MYRIP: variants seen among roughly 807,000 people sequenced by gnomAD.
The protein encoded by MYRIP is rab effector MyRIP.
MYRIP carries 49 observed loss-of-function variants against 98.0 expected under a neutral mutation model. That is an observed-to-expected ratio of 0.50 (90% CI 0.40 to 0.63). The LOEUF (loss-of-function observed/expected upper bound fraction) is 0.63. Among genes scored for constraint, MYRIP ranks in the 30% least tolerant of loss-of-function variants. The pLI is 0.00. For missense variants in MYRIP, 1,004 were observed against 1,058.2 expected (o/e 0.95, Z 0.71); for synonymous variants, 404 against 409.5 (o/e 0.99, Z 0.16).
chr3:39,915,584 T>A (rs961594724), intron 2 of MYRIP, among the ~76,000 whole-genome samples: 1 of 152,032 alleles, frequency 6.6e-6, no homozygotes, highest in Non-Finnish European at 1.5e-5. Flanking sequence ...AAGCAGTATC[T>A]TTTAAAAGAC....
chr3:40,166,989 G>A (rs1236040987), intron 6 of MYRIP, 46 bp downstream of exon 6: 13 of 1,497,506 alleles, frequency 8.7e-6, no homozygotes, highest in African/African-American at 1.4e-5. Context: ...TGTGGGTTGG[G>A]GTCCTTGCTG....
intron 3 of MYRIP, among the ~76,000 whole-genome samples, chr3:40,138,858 T>A (rs1949836484): frequency 6.6e-6 from 1 of 152,214 alleles, no homozygotes; most frequent in Admixed American, 6.5e-5. Flanking sequence ...TTTGACACTA[T>A]GTTGTATATT....
chr3:40,191,186 T>G (rs868265788), intron 10 of MYRIP, among the ~76,000 whole-genome samples: 104 of 152,320 alleles, frequency 6.8e-4, no homozygotes, highest in African/African-American at 2.5e-3. Context: ...AAAAATGCAC[T>G]TGTATACACA....
At chr3:40,096,654 G>A (rs1366590088) in intron 3 of MYRIP, among the ~76,000 whole-genome samples, 1 of 152,202 alleles carries the variant, frequency 6.6e-6, no homozygotes, top group Non-Finnish European at 1.5e-5. Context: ...TGGGATATCT[G>A]GACCAGCCCC....
intron 11 of MYRIP, among the ~76,000 whole-genome samples, chr3:40,217,160 A>G (rs1464873178): frequency 6.6e-6 from 1 of 152,206 alleles, no homozygotes. Flanking sequence ...ATCTTTGACA[A>G]TAAAATCCAT....
At position 40,151,136 on chromosome 3, in the gene MYRIP, CT is replaced by C. The variant is rs1950109512; in HGVS notation, c.422del (p.Leu141ArgfsTer16). On this transcript the variant is annotated frameshift_variant, in exon 4 of 17. Transcript: ENST00000302541. LOFTEE classifies it high-confidence loss of function. Reference sequence around the variant, plus strand: ...TGGCAGTGCCAAGGTTCTGAAGAACCTGTACAGGAAGCACCGGCTGGAGAGT... The same window carrying C: ...TGGCAGTGCCAAGGTTCTGAAGAACCGTACAGGAAGCACCGGCTGGAGAGT... The part of the protein sequence containing the change: ...RFGSAKVLKN[L>X]YRKHRLESGA... The C allele has an allele frequency of 6.2e-7, 1 of 1,611,988 alleles. No homozygotes were observed. The highest frequency in any genetic ancestry group is 2.2e-5 in the East Asian group (1 of 44,832).
At chr3:40,043,348 C>A (rs1056324734) in intron 2 of MYRIP, among the ~76,000 whole-genome samples, 4 of 150,950 alleles carry the variant, frequency 2.6e-5, no homozygotes, top group African/African-American at 9.7e-5. Context: ...AATTTTTTTT[C>A]TTTTTTTTTC....
intron 16 of MYRIP, among the ~76,000 whole-genome samples, chr3:40,257,121 T>C (rs1659628181): frequency 6.6e-6 from 1 of 151,526 alleles, no homozygotes; most frequent in South Asian, 2.1e-4. Flanking sequence ...AGGCCAGGAG[T>C]TCAAGACCAG....
intron 2 of MYRIP, among the ~76,000 whole-genome samples, chr3:39,944,749 A>T (rs754329894): frequency 1.2e-4 from 19 of 152,166 alleles, no homozygotes; most frequent in Non-Finnish European, 2.4e-4. Context: ...GAATACTGTG[A>T]GTTCATCAAA....
At chr3:39,924,430 C>T (rs1354768094) in intron 2 of MYRIP, among the ~76,000 whole-genome samples, 5 of 152,016 alleles carry the variant, frequency 3.3e-5, no homozygotes, top group Non-Finnish European at 5.9e-5. Flanking sequence ...ACGAAGAAGG[C>T]ATAGTGATTC....
At chr3:39,931,605 A>G (rs1944538827) in intron 2 of MYRIP, among the ~76,000 whole-genome samples, 1 of 152,176 alleles carries the variant, frequency 6.6e-6, no homozygotes, top group Admixed American at 6.6e-5. Context: ...GCAGGGGGGA[A>G]AGCATTCAGT....
At chr3:39,983,610 G>T (rs1448090748) in intron 2 of MYRIP, among the ~76,000 whole-genome samples, 1 of 152,110 alleles carries the variant, frequency 6.6e-6, no homozygotes, top group Non-Finnish European at 1.5e-5. Flanking sequence ...GGGGTACAGC[G>T]GTAAGCCACA....
At chr3:40,204,627 T>A (rs1044946532) in intron 10 of MYRIP, among the ~76,000 whole-genome samples, 1 of 152,130 alleles carries the variant, frequency 6.6e-6, no homozygotes, top group African/African-American at 2.4e-5. Context: ...GTGATTTAAA[T>A]TATTTTCCTT....
chr3:40,157,423 C>T (rs1353358890), intron 4 of MYRIP, among the ~76,000 whole-genome samples: 5 of 147,830 alleles, frequency 3.4e-5, no homozygotes, highest in African/African-American at 1.0e-4. Flanking sequence ...ATTTTTGCAT[C>T]AATGTTCATC....
At chr3:39,994,165 T>TC (rs1946270766) in intron 2 of MYRIP, among the ~76,000 whole-genome samples, 1 of 152,230 alleles carries the variant, frequency 6.6e-6, no homozygotes, top group Non-Finnish European at 1.5e-5. Flanking sequence ...TGGGTTCATC[T>TC]CACTGGGGAG....
intron 2 of MYRIP, among the ~76,000 whole-genome samples, chr3:39,925,456 T>A (rs1263467322): frequency 6.6e-6 from 1 of 152,114 alleles, no homozygotes; most frequent in South Asian, 2.1e-4. Flanking sequence ...TAGTACTCAA[T>A]AGGGAATTTT....
chr3:39,927,292 T>C (rs1401168754), intron 2 of MYRIP, among the ~76,000 whole-genome samples: 1 of 152,080 alleles, frequency 6.6e-6, no homozygotes, highest in Non-Finnish European at 1.5e-5. Context: ...TGACTTTTTC[T>C]TTTCCTATGT....
At chr3:40,252,582 A>G (rs1282183563) in intron 16 of MYRIP, among the ~76,000 whole-genome samples, 1 of 152,230 alleles carries the variant, frequency 6.6e-6, no homozygotes, top group Non-Finnish European at 1.5e-5. Flanking sequence ...TACCTTCTGC[A>G]TAATGTATTA....
intron 15 of MYRIP, 146 bp from the exon 16 acceptor site, chr3:40,251,735 A>T: frequency 1.6e-6 from 1 of 607,376 alleles, no homozygotes; most frequent in Non-Finnish European, 2.9e-6. Context: ...CAAAACAAAA[A>T]GATCCCATAG....
Sources: gnomAD v4.1 joint callset for allele counts (sites outside exome capture counted in the v4.1 genomes callset) on GRCh38, gnomAD v4.1.1 for gene constraint, MANE v1.5 for transcripts, NCBI Gene and HGNC (gene_info 2026-07-23, HGNC 2026-07-21) for gene names.